The following VPS13B variants were observed in gnomAD, a reference collection of about 807,000 sequenced individuals.
VPS13B encodes the protein intermembrane lipid transfer protein VPS13B.
VPS13B carries 285 observed loss-of-function variants against 426.4 expected under a neutral mutation model. The ratio of observed to expected loss-of-function variants is 0.67; its 90% CI spans 0.61 to 0.74. The LOEUF is 0.74. VPS13B is among the 30% of genes least tolerant of loss of function. The pLI, the probability that VPS13B is intolerant of heterozygous loss-of-function variation, is 0.00. For missense variants in VPS13B, 4,537 were observed against 4,782.6 expected (o/e 0.95, Z 1.51); for synonymous variants, 1,676 against 1,676.4 (o/e 1.00, Z 0.01).
chr8:99,141,926 G>A (rs945139484), intron 12 of VPS13B, among the ~76,000 whole-genome samples: 11 of 151,002 alleles, frequency 7.3e-5, no homozygotes, highest in East Asian at 3.9e-4. Flanking sequence ...GGTGGTGGGC[G>A]CCTGTAGTAC....
chr8:99,234,997 C>A (rs559314161), intron 17 of VPS13B, among the ~76,000 whole-genome samples: 1 of 152,252 alleles, frequency 6.6e-6, no homozygotes, highest in East Asian at 1.9e-4. Flanking sequence ...AAAATTAGAT[C>A]ATCTAGAACA....
chr8:99,600,482 T>C (rs1383214778), intron 33 of VPS13B, among the ~76,000 whole-genome samples: 9 of 152,172 alleles, frequency 5.9e-5, no homozygotes, highest in Non-Finnish European at 1.5e-5. Context: ...GTATATAATT[T>C]GCATTTTATT....
intron 33 of VPS13B, among the ~76,000 whole-genome samples, chr8:99,637,211 A>C (rs1262981922): frequency 1.3e-5 from 2 of 152,060 alleles, no homozygotes; most frequent in Non-Finnish European, 2.9e-5. Flanking sequence ...ACACATAATT[A>C]ATTATAAAAC....
chr8:99,862,821 G>A (rs1281989702), intron 58 of VPS13B, among the ~76,000 whole-genome samples: 2 of 152,144 alleles, frequency 1.3e-5, no homozygotes, highest in East Asian at 3.8e-4. Context: ...GGGAGGAAGT[G>A]GTAAAATGGT....
intron 43 of VPS13B, among the ~76,000 whole-genome samples, chr8:99,793,273 AT>A (rs377588066): frequency 1.4e-5 from 2 of 144,618 alleles, no homozygotes; most frequent in East Asian, 4.0e-4. Context: ...ATATATATAT[AT>A]ATATATATAT....
intron 3 of VPS13B, among the ~76,000 whole-genome samples, chr8:99,065,488 A>C (rs1844435274): frequency 6.6e-6 from 1 of 152,190 alleles, no homozygotes; most frequent in Non-Finnish European, 1.5e-5. Flanking sequence ...ACTCTCAATA[A>C]ACTAGGTATT....
intron 58 of VPS13B, among the ~76,000 whole-genome samples, chr8:99,864,654 C>G (rs1588801075): frequency 6.6e-6 from 1 of 152,132 alleles, no homozygotes; most frequent in Non-Finnish European, 1.5e-5. Flanking sequence ...CGTTAAGGAC[C>G]CAGTTAATAA....
chr8:99,719,415 C>T (rs778774908), intron 37 of VPS13B, among the ~76,000 whole-genome samples: 8 of 152,188 alleles, frequency 5.3e-5, no homozygotes, highest in Non-Finnish European at 1.0e-4. Context: ...AACACAAGTA[C>T]ACTTAGTGTT....
intron 17 of VPS13B, among the ~76,000 whole-genome samples, chr8:99,199,314 G>C (rs542632004): frequency 6.6e-6 from 1 of 152,214 alleles, no homozygotes; most frequent in Admixed American, 6.5e-5. Context: ...TGGGACTACA[G>C]GTGCCTGCCA....
chr8:99,619,520 A>G (rs1828260332), intron 33 of VPS13B, among the ~76,000 whole-genome samples: 1 of 152,206 alleles, frequency 6.6e-6, no homozygotes, highest in Non-Finnish European at 1.5e-5. Context: ...GCACTTGGCC[A>G]GGTTCCTTAA....
intron 40 of VPS13B, among the ~76,000 whole-genome samples, chr8:99,770,628 G>A (rs536525890): frequency 2.6e-5 from 4 of 152,312 alleles, no homozygotes; most frequent in Non-Finnish European, 5.9e-5. Flanking sequence ...GCTACGTTTG[G>A]TAGAGGAACA....
intron 33 of VPS13B, among the ~76,000 whole-genome samples, chr8:99,609,142 G>A (rs1827731344): frequency 6.6e-6 from 1 of 152,142 alleles, no homozygotes; most frequent in Non-Finnish European, 1.5e-5. Flanking sequence ...ATTCTGTTAT[G>A]TTATAGTTCA....
At chr8:99,454,565 T>C (rs550412389) in intron 23 of VPS13B, among the ~76,000 whole-genome samples, 2 of 152,316 alleles carry the variant, frequency 1.3e-5, no homozygotes, top group East Asian at 3.9e-4. Flanking sequence ...CTTCCAAGTG[T>C]TGGCAATTTT....
intron 19 of VPS13B, among the ~76,000 whole-genome samples, chr8:99,332,551 T>A (rs1810600942): frequency 6.6e-6 from 1 of 151,568 alleles, no homozygotes; most frequent in Non-Finnish European, 1.5e-5. Context: ...GTGGAAAGGA[T>A]GTTTATGGTG....
At chr8:99,091,262 G>C (rs2132414500) in intron 3 of VPS13B, among the ~76,000 whole-genome samples, 1 of 152,268 alleles carries the variant, frequency 6.6e-6, no homozygotes, top group Middle Eastern at 3.4e-3. Flanking sequence ...AAAGCACATA[G>C]AAGTGTTCAC....
chr8:99,254,401 A>C (rs1817647019), intron 17 of VPS13B, among the ~76,000 whole-genome samples: 1 of 151,744 alleles, frequency 6.6e-6, no homozygotes, highest in Admixed American at 6.6e-5. Flanking sequence ...TGAAATATCT[A>C]CTGTCATTTC....
intron 35 of VPS13B, among the ~76,000 whole-genome samples, chr8:99,685,832 C>T (rs181609798): frequency 1.4e-3 from 211 of 152,314 alleles, no homozygotes; most frequent in African/African-American, 4.7e-3. Flanking sequence ...ATATCTCTAT[C>T]TCTCCAGGAT....
intron 23 of VPS13B, among the ~76,000 whole-genome samples, chr8:99,466,623 GA>G (rs1819126983): frequency 1.3e-5 from 2 of 152,012 alleles, no homozygotes; most frequent in African/African-American, 4.8e-5. Context: ...TATAAAAAGG[GA>G]ATTTTGCTTT....
At chr8:99,316,407 A>G (rs144949312) in intron 19 of VPS13B, among the ~76,000 whole-genome samples, 92 of 152,246 alleles carry the variant, frequency 6.0e-4, no homozygotes, top group African/African-American at 2.2e-3. Flanking sequence ...AAGTGGTGCT[A>G]TGCTGTAGTT....
Sources: allele counts gnomAD v4.1 joint callset (sites outside exome capture counted in the v4.1 genomes callset), GRCh38; gene constraint gnomAD v4.1.1; transcripts MANE v1.5; gene names NCBI Gene and HGNC (gene_info 2026-07-23, HGNC 2026-07-21).